The following CSRNP3 variants were observed in gnomAD, a reference collection of about 807,000 sequenced individuals.
The protein encoded by CSRNP3 is cysteine/serine-rich nuclear protein 3.
A neutral mutation model predicts 48.0 loss-of-function variants in CSRNP3; 12 were observed. The observed-to-expected ratio is 0.25, with a 90% CI of 0.16 to 0.41. The LOEUF is 0.41. Among genes scored for constraint, CSRNP3 ranks in the 10% least tolerant of loss-of-function variants. The pLI, the probability that CSRNP3 is intolerant of heterozygous loss-of-function variation, is 1.00. For missense variants in CSRNP3, 580 were observed against 724.4 expected (o/e 0.80, Z 2.29); for synonymous variants, 263 against 269.7 (o/e 0.98, Z 0.24).
rs1262358983 is a variant in CSRNP3 at position 165,530,401 on chromosome 2, T to C, written c.-24+12440T>C. Among the ~76,000 whole-genome samples, 3 of 152,128 alleles carry C rather than the reference T, an allele frequency of 2.0e-5. No individual in the cohort carries two copies. In the South Asian group the frequency reaches 6.2e-4, roughly 31 times the overall value. On this transcript the variant is annotated intron_variant, in intron 3 of 6. Transcript: ENST00000651982. ...TTTAATAAAATTGTAACTCCTGTTA[T>C]TTACAATTCCAGATGAAGAATGCAG...
chr2:165,580,149 C>T (rs1426650136), intron 3 of CSRNP3, among the ~76,000 whole-genome samples: 1 of 151,814 alleles, frequency 6.6e-6, no homozygotes, highest in Non-Finnish European at 1.5e-5. Flanking sequence ...AGGATGGTCT[C>T]GATCTCCTGA....
intron 3 of CSRNP3, among the ~76,000 whole-genome samples, chr2:165,590,833 T>C (rs1314906800): frequency 2.6e-5 from 4 of 152,162 alleles, no homozygotes; most frequent in Non-Finnish European, 5.9e-5. Flanking sequence ...CTCTTTTCTT[T>C]ATAAATTTCC....
chr2:165,519,094 C>T (rs750769053), intron 3 of CSRNP3, among the ~76,000 whole-genome samples: 2 of 152,014 alleles, frequency 1.3e-5, no homozygotes, highest in African/African-American at 2.4e-5. Flanking sequence ...ATGTGAATGT[C>T]GTTCCATTAC....
chr2:165,527,589 T>G (rs1330259954), intron 3 of CSRNP3, among the ~76,000 whole-genome samples: 2 of 151,974 alleles, frequency 1.3e-5, no homozygotes, highest in African/African-American at 4.8e-5. Flanking sequence ...CACACACACA[T>G]GCATAAATTA....
intron 4 of CSRNP3, among the ~76,000 whole-genome samples, chr2:165,615,362 T>G (rs1012247860): frequency 6.6e-6 from 1 of 151,798 alleles, no homozygotes; most frequent in African/African-American, 2.4e-5. Context: ...GCTAACATGG[T>G]GAAACCCCAT....
chr2:165,492,301 T>G (rs1684223542), intron 1 of CSRNP3, among the ~76,000 whole-genome samples: 1 of 152,148 alleles, frequency 6.6e-6, no homozygotes, highest in African/African-American at 2.4e-5. Flanking sequence ...ACTACTTAAA[T>G]TCTATAGTTT....
At chr2:165,670,429 G>T (rs1231847690) in intron 5 of CSRNP3, among the ~76,000 whole-genome samples, 1 of 152,098 alleles carries the variant, frequency 6.6e-6, no homozygotes. Context: ...AATCATAAAA[G>T]ATTGTTCAGT....
intron 2 of CSRNP3, among the ~76,000 whole-genome samples, chr2:165,503,254 T>G (rs1162292910): frequency 6.6e-6 from 1 of 151,978 alleles, no homozygotes; most frequent in Non-Finnish European, 1.5e-5. Context: ...TTTGAAAATT[T>G]TATTGGCATA....
intron 4 of CSRNP3, among the ~76,000 whole-genome samples, chr2:165,603,885 CA>C (rs1326633319): frequency 6.6e-6 from 1 of 152,182 alleles, no homozygotes; most frequent in African/African-American, 2.4e-5. Context: ...ATTTCATGTA[CA>C]GCAGAGCTTG....
At chr2:165,607,905 A>T (rs1271079017) in intron 4 of CSRNP3, among the ~76,000 whole-genome samples, 2 of 151,750 alleles carry the variant, frequency 1.3e-5, no homozygotes, top group Non-Finnish European at 2.9e-5. Flanking sequence ...GTGAGAATAG[A>T]TTGGGCTTCA....
chr2:165,516,761 T>C (rs771159964), intron 2 of CSRNP3, among the ~76,000 whole-genome samples: 31 of 152,170 alleles, frequency 2.0e-4, no homozygotes, highest in Non-Finnish European at 3.2e-4. Flanking sequence ...TTCTGTGCTA[T>C]TGTTGTATCA....
intron 3 of CSRNP3, among the ~76,000 whole-genome samples, chr2:165,545,851 TC>T (rs1685018254): frequency 6.6e-6 from 1 of 152,132 alleles, no homozygotes; most frequent in Non-Finnish European, 1.5e-5. Context: ...GAGAAATAGA[TC>T]CAGGAAAATA....
chr2:165,635,580 C>T (rs1286863106), intron 4 of CSRNP3, among the ~76,000 whole-genome samples: 1 of 152,116 alleles, frequency 6.6e-6, no homozygotes, highest in African/African-American at 2.4e-5. Flanking sequence ...GATGTTCATG[C>T]ACACAGGACA....
At chr2:165,553,756 A>G (rs181095008) in intron 3 of CSRNP3, among the ~76,000 whole-genome samples, 1 of 152,282 alleles carries the variant, frequency 6.6e-6, no homozygotes, top group Non-Finnish European at 1.5e-5. Flanking sequence ...CAACTGGTGC[A>G]GTAGGTCCCA....
chr2:165,584,679 T>C (rs1212143731), intron 3 of CSRNP3, among the ~76,000 whole-genome samples: 1 of 152,154 alleles, frequency 6.6e-6, no homozygotes, highest in African/African-American at 2.4e-5. Context: ...GTCAAAAGCC[T>C]GCAAAAAATT....
chr2:165,670,726 C>T (rs567153314), intron 5 of CSRNP3, among the ~76,000 whole-genome samples: 1 of 152,272 alleles, frequency 6.6e-6, no homozygotes, highest in Non-Finnish European at 1.5e-5. Flanking sequence ...AATATTATGT[C>T]ATATCTGCTT....
intron 4 of CSRNP3, among the ~76,000 whole-genome samples, chr2:165,613,668 T>C (rs1686178253): frequency 6.6e-6 from 1 of 152,158 alleles, no homozygotes; most frequent in Non-Finnish European, 1.5e-5. Flanking sequence ...CCTTCCCCCA[T>C]TGTATGTTCT....
chr2:165,558,862 GA>G (rs1318434812), intron 3 of CSRNP3, among the ~76,000 whole-genome samples: 3 of 152,288 alleles, frequency 2.0e-5, no homozygotes, highest in Admixed American at 2.0e-4. Flanking sequence ...CTGTACACGT[GA>G]TGACCTATAA....
chr2:165,523,410 T>C (rs1192331340), intron 3 of CSRNP3, among the ~76,000 whole-genome samples: 25 of 152,110 alleles, frequency 1.6e-4, no homozygotes, highest in Admixed American at 1.6e-3. Flanking sequence ...TCTGTCCTCT[T>C]CAACTCATTC....
Sources: allele counts gnomAD v4.1 joint callset (sites outside exome capture counted in the v4.1 genomes callset), GRCh38; gene constraint gnomAD v4.1.1; transcripts MANE v1.5; gene names NCBI Gene and HGNC (gene_info 2026-07-23, HGNC 2026-07-21).